RAB37: variants seen among roughly 807,000 people sequenced by gnomAD.
RAB37 encodes the protein ras-related protein Rab-37.
In RAB37, 29 loss-of-function variants were observed where a neutral mutation model predicts 33.1. The observed-to-expected ratio is 0.88, with a 90% CI of 0.65 to 1.20. The LOEUF is 1.20. Ranked by LOEUF, RAB37 falls within the 50% of genes most tolerant of loss-of-function variation. RAB37 has a pLI of 0.00. For missense variants in RAB37, 299 were observed against 301.1 expected (o/e 0.99, Z 0.05); for synonymous variants, 128 against 119.5 (o/e 1.07, Z -0.47).
intron 1 of RAB37, among the ~76,000 whole-genome samples, chr17:74,688,014 T>C (rs2032087694): frequency 6.6e-6 from 1 of 152,208 alleles, no homozygotes. Context: ...CAATGGATTG[T>C]TGAATAGAAA....
At chr17:74,695,548 G>A (rs748869583) in intron 1 of RAB37, among the ~76,000 whole-genome samples, 9 of 152,184 alleles carry the variant, frequency 5.9e-5, no homozygotes, top group Non-Finnish European at 1.2e-4. Context: ...TGTGTCCCCA[G>A]GACTGAGACT....
chr17:74,735,230 G>A (rs551894786), upstream of RAB37, among the ~76,000 whole-genome samples: 97 of 146,546 alleles, frequency 6.6e-4, no homozygotes, highest in Non-Finnish European at 1.1e-3. Flanking sequence ...GGGAGGGGAG[G>A]GAAGGGGAGA....
At chr17:74,739,614 C>G (rs1367594124) in intron 1 of RAB37, among the ~76,000 whole-genome samples, 2 of 148,778 alleles carry the variant, frequency 1.3e-5, no homozygotes, top group Non-Finnish European at 3.0e-5. Context: ...ACTGCAACCT[C>G]TACCTCCTGG....
chr17:74,681,337 C>T (rs2031951062), intron 1 of RAB37, among the ~76,000 whole-genome samples: 1 of 152,226 alleles, frequency 6.6e-6, no homozygotes, highest in Non-Finnish European at 1.5e-5. Context: ...TGGGGCCCCA[C>T]CTCTGAAGGT....
intron 1 of RAB37, among the ~76,000 whole-genome samples, chr17:74,691,170 A>C (rs2032150965): frequency 6.6e-6 from 1 of 152,128 alleles, no homozygotes; most frequent in Non-Finnish European, 1.5e-5. Flanking sequence ...CACCACACCC[A>C]GCTAATTAAT....
chr17:74,734,311 G>A (rs1043718425), upstream of RAB37, among the ~76,000 whole-genome samples: 1 of 152,056 alleles, frequency 6.6e-6, no homozygotes, highest in Non-Finnish European at 1.5e-5. Flanking sequence ...TTATGACACC[G>A]GTCATACTGG....
chr17:74,736,590 C>T, upstream of RAB37: 4 of 1,527,182 alleles, frequency 2.6e-6, no homozygotes, highest in Non-Finnish European at 3.5e-6. Flanking sequence ...CTGCGCAGCC[C>T]TCTTGCGAAA....
chr17:74,702,375 C>T (rs1175476209), intron 1 of RAB37, among the ~76,000 whole-genome samples: 2 of 152,182 alleles, frequency 1.3e-5, no homozygotes, highest in African/African-American at 4.8e-5. Flanking sequence ...GGGACTGAGG[C>T]TCAGTTTCTT....
At chr17:74,723,723 C>T (rs921899258) in intron 1 of RAB37, among the ~76,000 whole-genome samples, 7 of 151,842 alleles carry the variant, frequency 4.6e-5, no homozygotes, top group East Asian at 3.9e-4. Flanking sequence ...GGACTACAGG[C>T]GCGCATTTTT....
At chr17:74,702,148 G>A (rs2033112160) in intron 1 of RAB37, among the ~76,000 whole-genome samples, 1 of 152,144 alleles carries the variant, frequency 6.6e-6, no homozygotes, top group African/African-American at 2.4e-5. Flanking sequence ...TTTGTGGCAA[G>A]GTCCCAGCAA....
At chr17:74,722,282 C>CA (rs375629072) in intron 1 of RAB37, among the ~76,000 whole-genome samples, 3,209 of 65,276 alleles carry the variant, frequency 0.049, 105 homozygotes, top group African/African-American at 0.13. Flanking sequence ...GACTCTGTCT[C>CA]AAAAAAAAAA....
chr17:74,674,822 C>A (rs755452253), intron 1 of RAB37, among the ~76,000 whole-genome samples: 22 of 152,192 alleles, frequency 1.4e-4, no homozygotes, highest in Admixed American at 6.5e-4. Flanking sequence ...AAGAGGCCCC[C>A]TCCCACATTC....
chr17:74,709,074 A>G (rs923157858), intron 1 of RAB37, among the ~76,000 whole-genome samples: 4 of 150,802 alleles, frequency 2.7e-5, no homozygotes, highest in Admixed American at 1.3e-4. Flanking sequence ...AATTCAAAAA[A>G]TTAGCTGGGC....
chr17:74,736,643 G>A, upstream of RAB37: 3 of 1,535,414 alleles, frequency 2.0e-6, no homozygotes, highest in Non-Finnish European at 2.6e-6. Context: ...CAACAGGCCG[G>A]GGGAAATGAG....
chr17:74,705,514 C>T (rs1391650681), intron 1 of RAB37: 2 of 466,766 alleles, frequency 4.3e-6, no homozygotes, highest in East Asian at 6.3e-5. Flanking sequence ...CTACATTCTC[C>T]TGATTACTAT....
intron 1 of RAB37, among the ~76,000 whole-genome samples, chr17:74,678,485 TTCATTTGCTTATTAGCACCTTC>T (rs1231375888): frequency 6.6e-6 from 1 of 152,188 alleles, no homozygotes; most frequent in Non-Finnish European, 1.5e-5. Context: ...TCAGCGCCTT[TTCATTTGCTTATTAGCACCTTC>T]TCATTTGCTT....
intron 1 of RAB37, among the ~76,000 whole-genome samples, chr17:74,728,285 T>C (rs1167028014): frequency 6.6e-6 from 1 of 152,142 alleles, no homozygotes; most frequent in African/African-American, 2.4e-5. Context: ...TCTGTGTGCA[T>C]GTGTGTGTTC....
At chr17:74,718,965 G>A (rs919797657) in intron 1 of RAB37, among the ~76,000 whole-genome samples, 3 of 152,170 alleles carry the variant, frequency 2.0e-5, no homozygotes, top group Admixed American at 6.5e-5. Context: ...TGGCAGTGGA[G>A]GGTGTTGATA....
chr17:74,744,566 C>T lies in RAB37; in HGVS notation c.432+193C>T, dbSNP rs527423140. ...CTTCCAGGGAAAGTCCAAGTTGTTG[C>T]CTGAGAAATCAAGGGGTGCCCAGTT... On this transcript the variant is annotated intron_variant, in intron 6 of 8. Transcript: ENST00000392613. The surrounding 1 kb of genome is among the most constrained non-coding windows in gnomAD (Gnocchi z 4.2). 1.6e-6 allele frequency: 1 copy of T among 644,552 alleles called. No individual in the cohort carries two copies. The highest frequency in any genetic ancestry group is 2.7e-5 in the East Asian group (1 of 36,648). The allele number at this position is 644,552 out of a possible 1,614,324, so 39.9% of individuals were successfully genotyped here.
Sources: allele counts gnomAD v4.1 joint callset (sites outside exome capture counted in the v4.1 genomes callset), GRCh38; gene constraint gnomAD v4.1.1; non-coding constraint Gnocchi (gnomAD v3.1); transcripts MANE v1.5; gene names NCBI Gene and HGNC (gene_info 2026-07-23, HGNC 2026-07-21).